CPEB1: variants seen among roughly 807,000 people sequenced by gnomAD.
The protein encoded by CPEB1 is cytoplasmic polyadenylation element binding protein 1.
In CPEB1, 7 loss-of-function variants were observed where a neutral mutation model predicts 65.8. The ratio of observed to expected loss-of-function variants is 0.11; its 90% CI spans 0.06 to 0.20. The LOEUF is 0.20. Among genes scored for constraint, CPEB1 ranks in the 10% least tolerant of loss-of-function variants. The pLI is 1.00. For missense variants in CPEB1, 551 were observed against 712.2 expected, an observed-to-expected ratio of 0.77 and a Z score of 2.58; for synonymous variants, 262 against 260.0, an observed-to-expected ratio of 1.01 and a Z score of -0.08.
At chr15:82,564,191 CAG>C (rs1211630820) in intron 4 of CPEB1, among the ~76,000 whole-genome samples, 4 of 152,042 alleles carry the variant, frequency 2.6e-5, no homozygotes, top group African/African-American at 9.7e-5. Flanking sequence ...TACTGAAAGA[CAG>C]AGAGTACGTA....
In CPEB1 at chr15:82,544,641, C is replaced by A; in HGVS notation, c.1718G>T (p.Arg573Leu). 1 of 1,613,326 alleles carries A rather than the reference C, an allele frequency of 6.2e-7. No individual in the cohort carries two copies. ...GTTCCGCATCAGGGGGCTGTGGTGG[C>A]GCAGGCCCTCCATGCTGTGCCGCCA... ...WHWRHSMEGLRHHSPLMRNQK... is the reference protein window; with the variant it reads ...WHWRHSMEGLLHHSPLMRNQK... The change falls in exon 13 of 13, where the codon CGC (arginine) becomes CTC (leucine). Residue 573 changes from arginine to leucine, a missense_variant. By Grantham distance (102) the Arg-to-Leu change is moderately radical. Transcript: ENST00000684509.
chr15:82,607,431 T>TA (rs1235332976), intron 3 of CPEB1, among the ~76,000 whole-genome samples: 1 of 151,890 alleles, frequency 6.6e-6, no homozygotes, highest in Non-Finnish European at 1.5e-5. Context: ...CTACTAAAAA[T>TA]ACAAAAATTA....
At chr15:82,573,421 T>G (rs1278269339) in intron 3 of CPEB1, among the ~76,000 whole-genome samples, 1 of 152,074 alleles carries the variant, frequency 6.6e-6, no homozygotes, top group African/African-American at 2.4e-5. Flanking sequence ...CTTCTCTATG[T>G]TCACCCTTCC....
chr15:82,561,776 G>A (rs1027036614), intron 4 of CPEB1, among the ~76,000 whole-genome samples: 2 of 152,080 alleles, frequency 1.3e-5, no homozygotes, highest in Admixed American at 6.6e-5. Flanking sequence ...TCAAATTCCT[G>A]TACAAAGCTA....
At chr15:82,640,471 CCT>C (rs2047017015) in intron 1 of CPEB1, among the ~76,000 whole-genome samples, 1 of 152,040 alleles carries the variant, frequency 6.6e-6, no homozygotes, top group Non-Finnish European at 1.5e-5. Context: ...TAAAAACAGC[CCT>C]GTTTCATATC....
chr15:82,641,174 T>C (rs1420435005), intron 1 of CPEB1, among the ~76,000 whole-genome samples: 1 of 152,144 alleles, frequency 6.6e-6, no homozygotes, highest in African/African-American at 2.4e-5. Flanking sequence ...CCAAGTTATA[T>C]GTAGGAGACA....
chr15:82,560,615 A>C (rs1454041725), intron 4 of CPEB1, among the ~76,000 whole-genome samples: 1 of 151,972 alleles, frequency 6.6e-6, no homozygotes, highest in Non-Finnish European at 1.5e-5. Flanking sequence ...CTGGTCTCGA[A>C]CTCCTGAGCT....
rs767355509 is a variant in CPEB1 at position 82,628,543 on chromosome 15, C to T, written c.-84G>A. On this transcript the variant is annotated 5_prime_UTR_variant, in exon 2 of 13. Transcript: ENST00000684509. ...TTTTACAATACAGACCCTTCTATTA[C>T]ACAGGCACTGAAACTAACGCAAATG... 1.0e-5 allele frequency: 7 copies of T among 667,610 alleles called. No individual in the cohort carries two copies. Among genetic ancestry groups the T allele is most frequent in the Non-Finnish European group, 1.9e-5 (7 of 370,718 alleles). 41.4% of individuals were successfully genotyped at this position (667,610 alleles called of 1,614,324 possible).
At chr15:82,577,443 T>TGC (rs2040784306) in intron 3 of CPEB1, among the ~76,000 whole-genome samples, 2 of 152,234 alleles carry the variant, frequency 1.3e-5, no homozygotes, top group Non-Finnish European at 2.9e-5. Context: ...AAGTTTTCTC[T>TGC]ATCTTTTAAG....
intron 3 of CPEB1, among the ~76,000 whole-genome samples, chr15:82,613,385 T>C (rs949479145): frequency 6.6e-6 from 1 of 152,100 alleles, no homozygotes; most frequent in African/African-American, 2.4e-5. Context: ...GGGGGTTTTT[T>C]TGTTTTGTTT....
At chr15:82,638,117 T>C (rs2046814725) in intron 1 of CPEB1, 1 of 327,668 alleles carries the variant, frequency 3.1e-6, no homozygotes, top group African/African-American at 2.2e-5. Flanking sequence ...AAATCCAGCC[T>C]CACACAGATA....
intron 9 of CPEB1, among the ~76,000 whole-genome samples, chr15:82,551,807 T>C (rs1461369404): frequency 2.0e-5 from 3 of 152,202 alleles, no homozygotes; most frequent in Non-Finnish European, 4.4e-5. Context: ...CTTTATTCAG[T>C]TGGAGATTCC....
At chr15:82,611,671 A>G (rs149218525) in intron 3 of CPEB1, among the ~76,000 whole-genome samples, 37 of 152,208 alleles carry the variant, frequency 2.4e-4, no homozygotes, top group African/African-American at 8.4e-4. Flanking sequence ...AGGCTGAGGC[A>G]GGAAGATCAC....
At chr15:82,606,472 A>G (rs74514508) in intron 3 of CPEB1, among the ~76,000 whole-genome samples, 3 of 150,594 alleles carry the variant, frequency 2.0e-5, no homozygotes, top group African/African-American at 7.3e-5. Context: ...TCCGTCTCAA[A>G]AAAAAAAAAA....
chr15:82,610,018 C>G lies in CPEB1; in HGVS notation c.271+17175G>C, dbSNP rs954191279. 2.0e-5 allele frequency among the ~76,000 whole-genome samples: 3 copies of G among 150,876 alleles called. 1 individual carries two copies. In the South Asian group the frequency reaches 6.3e-4, roughly 32 times the overall value. On this transcript the variant is annotated intron_variant, in intron 3 of 12. Transcript: ENST00000684509. Reference sequence around the variant, plus strand: ...GAGGTTGCGGTGAGCCGAGATCACCCCACTGCACTCCAGCCTAGGCAACAA... The same window carrying G: ...GAGGTTGCGGTGAGCCGAGATCACCGCACTGCACTCCAGCCTAGGCAACAA...
intron 1 of CPEB1, among the ~76,000 whole-genome samples, chr15:82,634,436 G>A (rs1250279611): frequency 6.6e-6 from 1 of 152,162 alleles, no homozygotes; most frequent in Non-Finnish European, 1.5e-5. Flanking sequence ...CTCACCTGTC[G>A]TAAATGAATG....
chr15:82,549,679 T>C, intron 9 of CPEB1, 21 bp from the exon 10 acceptor site: 1 of 1,611,648 alleles, frequency 6.2e-7, no homozygotes, highest in South Asian at 1.1e-5. Context: ...CCCAAAGGTG[T>C]ATCAGCCCTG....
At chr15:82,563,357 CTTTTTT>C (rs71453394) in intron 4 of CPEB1, among the ~76,000 whole-genome samples, 11 of 92,068 alleles carry the variant, frequency 1.2e-4, no homozygotes, top group African/African-American at 2.5e-4. Context: ...CATCTCTATT[CTTTTTT>C]TTTTTTTTTT....
intron 3 of CPEB1, among the ~76,000 whole-genome samples, chr15:82,580,429 C>T (rs1414687774): frequency 6.6e-6 from 1 of 151,996 alleles, no homozygotes; most frequent in African/African-American, 2.4e-5. Context: ...AATCTCTCTA[C>T]TATTGTAAAT....
Sources: gnomAD v4.1 joint callset for allele counts (sites outside exome capture counted in the v4.1 genomes callset) on GRCh38, gnomAD v4.1.1 for gene constraint, MANE v1.5 for transcripts, NCBI Gene and HGNC (gene_info 2026-07-23, HGNC 2026-07-21) for gene names.